The following PREX2 variants were observed in gnomAD, a reference collection of about 807,000 sequenced individuals.
PREX2 encodes phosphatidylinositol 3,4,5-trisphosphate-dependent Rac exchanger 2 protein.
PREX2 carries 107 observed loss-of-function variants against 203.2 expected under a neutral mutation model. That is an observed-to-expected ratio of 0.53 (90% confidence interval 0.45 to 0.62). PREX2 has a LOEUF of 0.62. Among genes scored for constraint, PREX2 ranks in the 20% least tolerant of loss-of-function variants. PREX2 has a pLI of 0.00. For synonymous variants in PREX2, 672 were observed against 663.6 expected, an observed-to-expected ratio of 1.01 and a Z score of -0.19; for missense variants, 1,777 against 1,955.9, an observed-to-expected ratio of 0.91 and a Z score of 1.72.
chr8:68,177,375 TAGAG>T, intron 35 of PREX2, among the ~76,000 whole-genome samples: 1 of 152,252 alleles, frequency 6.6e-6, no homozygotes, highest in Non-Finnish European at 1.5e-5. Flanking sequence ...CTGGGCAACA[TAGAG>T]AGACCCTCAC....
chr8:67,958,213 C>T (rs1805540683), intron 1 of PREX2, among the ~76,000 whole-genome samples: 1 of 152,160 alleles, frequency 6.6e-6, no homozygotes, highest in South Asian at 2.1e-4. Flanking sequence ...TCACAATACT[C>T]TATGGGAGCT....
intron 34 of PREX2, among the ~76,000 whole-genome samples, chr8:68,157,083 G>C (rs1018956498): frequency 6.6e-6 from 1 of 152,126 alleles, no homozygotes; most frequent in Non-Finnish European, 1.5e-5. Context: ...TTTAAAAATA[G>C]AGGACAGTTA....
At chr8:68,075,351 G>C (rs1809315873) in intron 14 of PREX2, among the ~76,000 whole-genome samples, 1 of 152,200 alleles carries the variant, frequency 6.6e-6, no homozygotes, top group Non-Finnish European at 1.5e-5. Context: ...GTTCAAGCAA[G>C]TGCTTTGATG....
intron 11 of PREX2, among the ~76,000 whole-genome samples, chr8:68,062,082 C>T (rs141581257): frequency 9.1e-4 from 139 of 152,220 alleles, no homozygotes; most frequent in Non-Finnish European, 1.2e-3. Context: ...GTGTTGCCTA[C>T]GTGATGGTAC....
chr8:67,993,580 G>A (rs1257458249), intron 1 of PREX2, among the ~76,000 whole-genome samples: 1 of 151,794 alleles, frequency 6.6e-6, no homozygotes, highest in Non-Finnish European at 1.5e-5. Context: ...GCTAATTTTT[G>A]TATTTTTGGT....
rs534024129 is a variant in PREX2, at chr8:68,231,818, C to T, written c.*440C>T. 2.4e-5 allele frequency: 4 copies of T among 164,232 alleles called. No homozygotes were observed. The highest frequency in any genetic ancestry group is 6.4e-5 in the Admixed American group (1 of 15,540). The allele number at this position is 164,232 out of a possible 1,614,324, so 10.2% of individuals were successfully genotyped here. ...GAAGGCCATTATTGAAGAAACCTGGCGACATCTTGCAAATCATCATGAGAA... is the reference window on the plus strand; with the variant it reads ...GAAGGCCATTATTGAAGAAACCTGGTGACATCTTGCAAATCATCATGAGAA... On this transcript the variant is annotated 3_prime_UTR_variant, in exon 40 of 40. Transcript: ENST00000288368.
At position 68,157,366 on chromosome 8, in the gene PREX2, G is replaced by T; in HGVS notation, c.4276G>T (p.Val1426Leu). The T allele has an allele frequency of 6.2e-7, 1 of 1,612,564 alleles. No individual in the cohort carries two copies. The highest frequency in any genetic ancestry group is 8.5e-7 in the Non-Finnish European group (1 of 1,178,866). Reference sequence around the variant, plus strand: ...ATATTATTACAGAGACAATGTTTCTGTGGAAGAATTTCAAGCTCAGATAAA... The same window carrying T: ...ATATTATTACAGAGACAATGTTTCTTTGGAAGAATTTCAAGCTCAGATAAA... Reference protein sequence around the residue: ...EGYYYRDNVSVEEFQAQINAA... With the variant: ...EGYYYRDNVSLEEFQAQINAA... Residue 1426 changes from valine to leucine, a missense_variant, in exon 35 of 40, where the codon GTG (valine) becomes TTG (leucine). Coordinates refer to ENST00000288368, the MANE Select transcript of PREX2 (RefSeq NM_024870.4).
intron 35 of PREX2, among the ~76,000 whole-genome samples, chr8:68,162,999 C>A (rs1811683694): frequency 6.6e-6 from 1 of 152,178 alleles, no homozygotes; most frequent in Admixed American, 6.5e-5. Context: ...GAAGCTCTTC[C>A]TATTTTATTT....
intron 33 of PREX2, among the ~76,000 whole-genome samples, chr8:68,144,230 C>G (rs1327507250): frequency 3.9e-5 from 6 of 152,048 alleles, no homozygotes; most frequent in African/African-American, 1.4e-4. Flanking sequence ...CAAGAAATAA[C>G]CTGTTGGGAT....
chr8:68,123,804 A>G (rs1346397053), intron 30 of PREX2, among the ~76,000 whole-genome samples: 1 of 151,978 alleles, frequency 6.6e-6, no homozygotes, highest in Non-Finnish European at 1.5e-5. Flanking sequence ...GCCTGGAACC[A>G]GAGAGATTAA....
chr8:67,986,243 C>T (rs1806417372), intron 1 of PREX2, among the ~76,000 whole-genome samples: 1 of 152,166 alleles, frequency 6.6e-6, no homozygotes, highest in Non-Finnish European at 1.5e-5. Context: ...ACCGTAATCC[C>T]AGAGAGTAGG....
At chr8:68,057,433 C>T in intron 10 of PREX2, among the ~76,000 whole-genome samples, 1 of 152,140 alleles carries the variant, frequency 6.6e-6, no homozygotes, top group East Asian at 1.9e-4. Flanking sequence ...GCTCCCCAAC[C>T]CCCAACTCAG....
intron 39 of PREX2, 120 bp downstream of exon 39, chr8:68,224,746 G>A (rs555175042): frequency 8.7e-6 from 6 of 692,570 alleles, no homozygotes; most frequent in African/African-American, 3.5e-5. Context: ...TTGTAATTAC[G>A]GAGATTGCCC....
chr8:68,208,202 A>T (rs1812674714), intron 37 of PREX2, among the ~76,000 whole-genome samples: 1 of 152,184 alleles, frequency 6.6e-6, no homozygotes, highest in African/African-American at 2.4e-5. Flanking sequence ...AGATAGTATA[A>T]AATATGAAAT....
intron 1 of PREX2, among the ~76,000 whole-genome samples, chr8:67,990,479 A>T (rs538215191): frequency 8.7e-4 from 131 of 150,766 alleles, no homozygotes; most frequent in Non-Finnish European, 1.6e-3. Flanking sequence ...TTGCCTTTTA[A>T]AAACGTGCTC....
chr8:68,024,185 A>C (rs549551511), intron 4 of PREX2, among the ~76,000 whole-genome samples: 47 of 152,218 alleles, frequency 3.1e-4, no homozygotes, highest in African/African-American at 1.1e-3. Flanking sequence ...ATTCATATAT[A>C]TTGACAATGC....
intron 32 of PREX2, among the ~76,000 whole-genome samples, chr8:68,135,806 AAAAAATGGAAACAACTTATAT>A (rs1273162942): frequency 6.6e-6 from 1 of 152,242 alleles, no homozygotes; most frequent in Non-Finnish European, 1.5e-5. Context: ...CATAGTAGCT[AAAAAATGGAAACAACTTATAT>A]GTCCATCAAC....
intron 39 of PREX2, among the ~76,000 whole-genome samples, chr8:68,227,709 T>C (rs1311485845): frequency 6.6e-6 from 1 of 152,166 alleles, no homozygotes; most frequent in Non-Finnish European, 1.5e-5. Flanking sequence ...AAGTGAGCTA[T>C]GGACTGGAGA....
chr8:68,017,487 G>A (rs1277152649), intron 1 of PREX2, among the ~76,000 whole-genome samples: 1 of 152,014 alleles, frequency 6.6e-6, no homozygotes, highest in Non-Finnish European at 1.5e-5. Flanking sequence ...TGGCCCTTTT[G>A]TTGTTTTATT....
Sources: gnomAD v4.1 joint callset for allele counts (sites outside exome capture counted in the v4.1 genomes callset) on GRCh38, gnomAD v4.1.1 for gene constraint, MANE v1.5 for transcripts, NCBI Gene and HGNC (gene_info 2026-07-23, HGNC 2026-07-21) for gene names.